RCAN2: variants seen among roughly 807,000 people sequenced by gnomAD.
RCAN2 encodes the protein regulator of calcineurin 2.
In RCAN2, 9 loss-of-function variants were observed where a neutral mutation model predicts 23.6. That is an observed-to-expected ratio of 0.38 (90% confidence interval 0.23 to 0.67). The LOEUF (loss-of-function observed/expected upper bound fraction) is 0.67. Among genes scored for constraint, RCAN2 ranks in the 30% least tolerant of loss-of-function variants. The probability of loss-of-function intolerance (pLI) is 0.51; values close to 1 mark genes in which losing one functional copy is unlikely to be tolerated. For synonymous variants in RCAN2, 109 were observed against 115.7 expected (o/e 0.94, Z 0.37); for missense variants, 273 against 302.3 (o/e 0.90, Z 0.72).
intron 2 of RCAN2, among the ~76,000 whole-genome samples, chr6:46,363,053 T>C (rs1765061717): frequency 1.3e-5 from 2 of 152,180 alleles, no homozygotes; most frequent in Admixed American, 1.3e-4. Context: ...AAATAAGAAT[T>C]ATGCCTTTTG....
At chr6:46,249,633 G>A (rs991986587) in intron 2 of RCAN2, among the ~76,000 whole-genome samples, 1 of 151,938 alleles carries the variant, frequency 6.6e-6, no homozygotes, top group Non-Finnish European at 1.5e-5. Context: ...GGAGGGGTGG[G>A]CACTTTTCTT....
intron 2 of RCAN2, among the ~76,000 whole-genome samples, chr6:46,283,846 A>T (rs1290450841): frequency 6.6e-6 from 1 of 152,222 alleles, no homozygotes; most frequent in African/African-American, 2.4e-5. Context: ...AATGAAGAGA[A>T]GCAAAATGAG....
rs188094758 is a variant in RCAN2, at chr6:46,341,425, A to G, written c.226-92529T>C. On this transcript the variant is annotated intron_variant, in intron 2 of 4. Transcript: ENST00000371374. ...AAAAAATAAAAATCATAAAAAAATC[A>G]TGTTTTAAGAAAGTTTACGAATTTG... Among the ~76,000 whole-genome samples the G allele has an allele frequency of 6.4e-4, 97 of 152,342 alleles. 1 individual carries two copies. The highest frequency in any genetic ancestry group is 2.5e-4 in the Non-Finnish European group (17 of 68,038).
Position 46,248,913 on chromosome 6 carries a change from C to A in RCAN2, c.226-17G>T, listed in dbSNP as rs778491920. The A allele has an allele frequency of 3.1e-6, 5 of 1,591,010 alleles. No individual in the cohort carries two copies. The highest frequency in any genetic ancestry group is 8.6e-7 in the Non-Finnish European group (1 of 1,168,038). On this transcript the variant is annotated splice_polypyrimidine_tract_variant and intron_variant, in intron 2 of 4. Transcript: ENST00000371374. ...AAATTTTTCCTGATAAAAACAAACA[C>A]AGAGGAAAATCCATTGGCCATGGCA...
intron 2 of RCAN2, among the ~76,000 whole-genome samples, chr6:46,311,637 A>T (rs1763262913): frequency 1.3e-5 from 2 of 152,206 alleles, no homozygotes; most frequent in Non-Finnish European, 1.5e-5. Flanking sequence ...ATCCGATTGA[A>T]GAGTGCCTTG....
chr6:46,447,277 C>T (rs886573236), intron 2 of RCAN2, among the ~76,000 whole-genome samples: 7 of 151,804 alleles, frequency 4.6e-5, no homozygotes, highest in Admixed American at 2.0e-4. Flanking sequence ...TTGATAATAA[C>T]GGTTGTAAAT....
At chr6:46,312,687 CTTCT>C (rs1365060190) in intron 2 of RCAN2, among the ~76,000 whole-genome samples, 1 of 152,192 alleles carries the variant, frequency 6.6e-6, no homozygotes, top group African/African-American at 2.4e-5. Context: ...TCTAGTTTGA[CTTCT>C]TTCTTCTTTA....
At chr6:46,310,030 A>G (rs979335993) in intron 2 of RCAN2, among the ~76,000 whole-genome samples, 8 of 152,134 alleles carry the variant, frequency 5.3e-5, no homozygotes, top group Non-Finnish European at 8.8e-5. Flanking sequence ...TGGTGCTTAT[A>G]TACTACCCAT....
intron 2 of RCAN2, among the ~76,000 whole-genome samples, chr6:46,412,707 G>A (rs1386204473): frequency 1.3e-5 from 2 of 152,140 alleles, no homozygotes; most frequent in Non-Finnish European, 2.9e-5. Context: ...ACAACTGCTG[G>A]GTCTGGCAAC....
intron 2 of RCAN2, among the ~76,000 whole-genome samples, chr6:46,326,546 G>A (rs759672869): frequency 6.6e-6 from 1 of 152,204 alleles, no homozygotes; most frequent in Non-Finnish European, 1.5e-5. Flanking sequence ...ACAAGAAGAT[G>A]ATACTTGTTT....
chr6:46,473,786 T>A (rs1013463450), intron 1 of RCAN2, among the ~76,000 whole-genome samples: 3 of 152,208 alleles, frequency 2.0e-5, no homozygotes, highest in African/African-American at 7.2e-5. Context: ...TTAAACCATT[T>A]TCCTCTGTCA....
intron 2 of RCAN2, among the ~76,000 whole-genome samples, chr6:46,359,785 C>T (rs77406193): frequency 1.6e-3 from 236 of 152,168 alleles, no homozygotes; most frequent in African/African-American, 5.4e-3. Context: ...ATGAATATAT[C>T]CTGTTTGTGT....
At chr6:46,387,708 A>T (rs560555035) in intron 2 of RCAN2, among the ~76,000 whole-genome samples, 1 of 152,326 alleles carries the variant, frequency 6.6e-6, no homozygotes, top group Non-Finnish European at 1.5e-5. Context: ...TTCCTCAAGG[A>T]TGTAGAACTA....
At chr6:46,358,612 T>C (rs762300412) in intron 2 of RCAN2, among the ~76,000 whole-genome samples, 2 of 152,224 alleles carry the variant, frequency 1.3e-5, no homozygotes, top group Non-Finnish European at 2.9e-5. Flanking sequence ...CCTCCCCATG[T>C]ATCAGGGAAG....
intron 1 of RCAN2, among the ~76,000 whole-genome samples, chr6:46,458,896 C>T (rs77170452): frequency 2.7e-5 from 4 of 150,134 alleles, no homozygotes; most frequent in Admixed American, 6.6e-5. Context: ...CGCGCGCGCA[C>T]GTGTGTGTGT....
At chr6:46,478,273 T>G (rs1382967246) in intron 1 of RCAN2, among the ~76,000 whole-genome samples, 8 of 152,146 alleles carry the variant, frequency 5.3e-5, no homozygotes, top group Admixed American at 4.6e-4. Context: ...TCCCACTCCA[T>G]GCACCCAGTG....
intron 2 of RCAN2, among the ~76,000 whole-genome samples, chr6:46,443,045 A>G (rs184299542): frequency 3.3e-5 from 5 of 152,322 alleles, no homozygotes; most frequent in African/African-American, 1.2e-4. Context: ...AACAAAACAG[A>G]TTTAACCTCC....
chr6:46,270,878 C>A (rs1406894261), intron 2 of RCAN2, among the ~76,000 whole-genome samples: 2 of 152,172 alleles, frequency 1.3e-5, no homozygotes, highest in Non-Finnish European at 2.9e-5. Context: ...ATCCTGCTAA[C>A]AGCCACTGAG....
intron 2 of RCAN2, among the ~76,000 whole-genome samples, chr6:46,286,135 G>A (rs1016940377): frequency 3.9e-5 from 6 of 152,284 alleles, no homozygotes; most frequent in African/African-American, 1.4e-4. Context: ...ATAGTGAACT[G>A]TAACCTAACT....
Sources: gnomAD v4.1 joint callset for allele counts (sites outside exome capture counted in the v4.1 genomes callset) on GRCh38, gnomAD v4.1.1 for gene constraint, MANE v1.5 for transcripts, NCBI Gene and HGNC (gene_info 2026-07-23, HGNC 2026-07-21) for gene names.